The following MAGI2 variants were observed in gnomAD, a reference collection of about 807,000 sequenced individuals.
The protein encoded by MAGI2 is membrane-associated guanylate kinase, WW and PDZ domain-containing protein 2.
In MAGI2, 35 loss-of-function variants were observed where a neutral mutation model predicts 133.3. The observed-to-expected ratio is 0.26, with a 90% CI of 0.20 to 0.35. MAGI2 has a LOEUF of 0.35. Ranked by LOEUF, MAGI2 falls within the 10% of genes least tolerant of loss-of-function variation. MAGI2 has a pLI of 1.00. For missense variants in MAGI2, 1,636 were observed against 1,863.4 expected (o/e 0.88, Z 2.25); for synonymous variants, 729 against 710.6 (o/e 1.03, Z -0.41).
At position 79,104,089 on chromosome 7, in the gene MAGI2, G is replaced by A. The variant is rs546116131; in HGVS notation, c.302-96883C>T. Among the ~76,000 whole-genome samples, 4 of 152,236 alleles carry A rather than the reference G, an allele frequency of 2.6e-5. No individual in the cohort carries two copies. In the East Asian group the frequency reaches 5.8e-4, roughly 22 times the overall value. On this transcript the variant is annotated intron_variant, in intron 1 of 21. Transcript: ENST00000354212. ...TGCACTTAAGATTTTAGTTCATATT[G>A]TGTATGTGTGTTATAAGTGAACAAA...
intron 3 of MAGI2, among the ~76,000 whole-genome samples, chr7:78,555,239 T>C (rs1415030222): frequency 6.7e-6 from 1 of 150,206 alleles, no homozygotes; most frequent in Non-Finnish European, 1.5e-5. Context: ...GATAGATAGA[T>C]AGATAGATAG....
chr7:79,176,415 A>G (rs988218288), intron 1 of MAGI2, among the ~76,000 whole-genome samples: 10 of 152,010 alleles, frequency 6.6e-5, no homozygotes, highest in African/African-American at 1.7e-4. Flanking sequence ...CCCTCTGCAC[A>G]GTATTTCTTC....
intron 1 of MAGI2, among the ~76,000 whole-genome samples, chr7:79,089,997 T>G (rs1440344032): frequency 6.6e-6 from 1 of 151,426 alleles, no homozygotes; most frequent in East Asian, 1.9e-4. Flanking sequence ...GAACTTAAAG[T>G]ATAATAAAAA....
rs140582779 is a variant in MAGI2, at chr7:79,035,821, A to G, written c.302-28615T>C. On this transcript the variant is annotated intron_variant, in intron 1 of 21. Coordinates refer to ENST00000354212, the MANE Select transcript of MAGI2 (RefSeq NM_012301.4). ...TCCAAAAATGAAATCATAAATGAAG[A>G]AGATTATAGAAACCCAATTCACAAT... Among the ~76,000 whole-genome samples the G allele has an allele frequency of 1.7e-3, 255 of 152,324 alleles. 1 individual carries two copies. Among genetic ancestry groups the G allele is most frequent in the African/African-American group, 5.7e-3 (239 of 41,582 alleles).
chr7:79,221,281 G>A (rs1178361757), intron 1 of MAGI2, among the ~76,000 whole-genome samples: 1 of 152,072 alleles, frequency 6.6e-6, no homozygotes, highest in Non-Finnish European at 1.5e-5. Context: ...TAAGAAATGT[G>A]GATTGTTATT....
At chr7:79,399,209 C>T (rs571342743) in intron 1 of MAGI2, among the ~76,000 whole-genome samples, 12 of 151,352 alleles carry the variant, frequency 7.9e-5, no homozygotes, top group African/African-American at 2.7e-4. Flanking sequence ...ATTCTGCTGC[C>T]TCAGCCTCCT....
intron 20 of MAGI2, among the ~76,000 whole-genome samples, chr7:78,109,706 C>T (rs1418645882): frequency 6.6e-6 from 1 of 152,128 alleles, no homozygotes; most frequent in Non-Finnish European, 1.5e-5. Flanking sequence ...CTGTTGAAGA[C>T]TTTTGAGGAA....
At chr7:78,269,957 G>A (rs1276029087) in intron 9 of MAGI2, among the ~76,000 whole-genome samples, 1 of 152,190 alleles carries the variant, frequency 6.6e-6, no homozygotes, top group African/African-American at 2.4e-5. Context: ...GTGTAAGGAA[G>A]GGGTCCAGTT....
intron 1 of MAGI2, among the ~76,000 whole-genome samples, chr7:79,194,741 T>C (rs1274943803): frequency 6.6e-6 from 1 of 151,670 alleles, no homozygotes; most frequent in Non-Finnish European, 1.5e-5. Context: ...CTTTAGGGAA[T>C]GGATGAGAAT....
chr7:79,348,324 T>C (rs928367421), intron 1 of MAGI2, among the ~76,000 whole-genome samples: 16 of 151,920 alleles, frequency 1.1e-4, no homozygotes, highest in African/African-American at 3.9e-4. Flanking sequence ...ACCATACCTC[T>C]GGTACTATTT....
In MAGI2 at chr7:78,138,625, T is replaced by TCACACA. The variant is rs202115434; in HGVS notation, c.2846-3425_2846-3420dup. On this transcript the variant is annotated intron_variant, in intron 16 of 21. Coordinates refer to ENST00000354212, the MANE Select transcript of MAGI2 (RefSeq NM_012301.4). ...ATCCCAAATGTTTCAAAACATAGAT[T>TCACACA]CACACACACACACACACACACACAC... is the stretch of plus-strand genomic sequence containing the variant. Among the ~76,000 whole-genome samples the TCACACA allele has an allele frequency of 9.5e-3, 1,229 of 129,348 alleles. 12 individuals are homozygous for TCACACA. The highest frequency in any genetic ancestry group is 0.015 in the Middle Eastern group (4 of 260). 84.9% of individuals were successfully genotyped at this position (129,348 alleles called of 152,430 possible).
At chr7:78,354,096 G>C (rs900825172) in intron 7 of MAGI2, among the ~76,000 whole-genome samples, 2 of 152,122 alleles carry the variant, frequency 1.3e-5, no homozygotes, top group Admixed American at 1.3e-4. Context: ...TCATTTCCTG[G>C]CTACCTTCAG....
intron 1 of MAGI2, among the ~76,000 whole-genome samples, chr7:79,337,746 C>T (rs184707854): frequency 1.3e-5 from 2 of 152,230 alleles, no homozygotes; most frequent in East Asian, 1.9e-4. Context: ...GAGATAACCA[C>T]ATAGGGCAAT....
At chr7:78,374,203 T>C (rs1486825630) in intron 6 of MAGI2, among the ~76,000 whole-genome samples, 1 of 152,172 alleles carries the variant, frequency 6.6e-6, no homozygotes, top group Non-Finnish European at 1.5e-5. Context: ...TGTTCCCCTT[T>C]CTCTGCAGCT....
At chr7:79,068,782 C>T (rs1188095617) in intron 1 of MAGI2, among the ~76,000 whole-genome samples, 5 of 152,192 alleles carry the variant, frequency 3.3e-5, no homozygotes, top group South Asian at 2.1e-4. Context: ...GATTCTGGTA[C>T]GTTGTGTCTT....
intron 20 of MAGI2, among the ~76,000 whole-genome samples, chr7:78,101,398 A>T (rs1003040348): frequency 9.2e-5 from 14 of 152,238 alleles, no homozygotes; most frequent in African/African-American, 3.4e-4. Flanking sequence ...AAACTCATGC[A>T]TATGGGGTCA....
rs554009834 is a variant in MAGI2 at position 78,852,636 on chromosome 7, A to T, written c.418+154454T>A. Among the ~76,000 whole-genome samples, 3 of 152,274 alleles carry T rather than the reference A, an allele frequency of 2.0e-5. No homozygotes were observed. The South Asian group carries it at 6.2e-4, about 32-fold the overall frequency. On this transcript the variant is annotated intron_variant, in intron 2 of 21. Transcript: ENST00000354212. ...ACATTACTTAAGATTTTAACACAAC[A>T]CTAATCTACAAAGCTACCTCTATTT...
chr7:78,634,891 G>A (rs1809462036), intron 2 of MAGI2, among the ~76,000 whole-genome samples: 1 of 151,974 alleles, frequency 6.6e-6, no homozygotes. Flanking sequence ...TCCAAAATAA[G>A]TTTTATTATC....
intron 2 of MAGI2, among the ~76,000 whole-genome samples, chr7:78,965,166 C>CTAAATCTAATTAATTAATA (rs1388666037): frequency 6.6e-6 from 1 of 151,134 alleles, no homozygotes; most frequent in Admixed American, 6.6e-5. Flanking sequence ...TAATCTAAAT[C>CTAAATCTAATTAATTAATA]TAAATCTAAT....
Sources: gnomAD v4.1 joint callset for allele counts (sites outside exome capture counted in the v4.1 genomes callset) on GRCh38, gnomAD v4.1.1 for gene constraint, MANE v1.5 for transcripts, NCBI Gene and HGNC (gene_info 2026-07-23, HGNC 2026-07-21) for gene names.